AGAP1: variants seen among roughly 807,000 people sequenced by gnomAD.
AGAP1 encodes the protein ArfGAP with GTPase domain, ankyrin repeat and PH domain 1, also known as arf-GAP with GTPase, ANK repeat and PH domain-containing protein 1.
Under a neutral mutation model 105.3 loss-of-function variants are expected in AGAP1, and 29 were observed. That is an observed-to-expected ratio of 0.28 (90% confidence interval 0.21 to 0.38). The LOEUF (loss-of-function observed/expected upper bound fraction) is 0.38, where lower values mean the gene tolerates loss of function less well. Ranked by LOEUF, AGAP1 falls within the 10% of genes least tolerant of loss-of-function variation. The pLI is 1.00. For missense variants in AGAP1, 998 were observed against 1,165.1 expected, an observed-to-expected ratio of 0.86 and a Z score of 2.09; for synonymous variants, 509 against 485.9, an observed-to-expected ratio of 1.05 and a Z score of -0.63.
intron 11 of AGAP1, among the ~76,000 whole-genome samples, chr2:235,918,231 C>CT (rs1266612030): frequency 6.6e-6 from 1 of 152,214 alleles, no homozygotes; most frequent in Non-Finnish European, 1.5e-5. Flanking sequence ...GCTAAGTACC[C>CT]TTCTAGCACC....
rs148022691 is a variant in AGAP1, at chr2:235,535,248, C to T, written c.163+40399C>T. ...GATGGAGCAGGTTTCACAGTGCCCT[C>T]GCTGCTGCCTCCCGTTTCATCTGCA... On this transcript the variant is annotated intron_variant, in intron 1 of 17. Transcript: ENST00000304032. The surrounding 1 kb of genome is among the most constrained non-coding windows in gnomAD (Gnocchi z 5.1). 2.7e-3 allele frequency among the ~76,000 whole-genome samples: 408 copies of T among 152,246 alleles called. 1 individual carries two copies. Among genetic ancestry groups the T allele is most frequent in the Admixed American group, 4.9e-3 (75 of 15,294 alleles).
chr2:235,940,649 G>C (rs910740683), intron 12 of AGAP1, among the ~76,000 whole-genome samples: 1 of 152,204 alleles, frequency 6.6e-6, no homozygotes, highest in African/African-American at 2.4e-5. Flanking sequence ...ATTGTGGCCT[G>C]ACTTACTCTG....
In AGAP1 at chr2:236,125,358, TTG is replaced by T; in HGVS notation, c.*1238_*1239del. 1 of 152,746 alleles carries T rather than the reference TTG, an allele frequency of 6.5e-6. No individual in the cohort carries two copies. Among genetic ancestry groups the T allele is most frequent in the African/African-American group, 2.4e-5 (1 of 41,576 alleles). 9.5% of individuals were successfully genotyped at this position (152,746 alleles called of 1,614,324 possible). A position where few individuals can be genotyped will look rare whatever the true frequency, so the allele number is the denominator to read the frequency against. On this transcript the variant is annotated 3_prime_UTR_variant, in exon 18 of 18. Transcript: ENST00000304032. This position sits in a 1 kb window ranked among gnomAD's most constrained non-coding sequence, Gnocchi z 5.2. ...GTTGAGATAAGAGGGTTACAGATCATTGTACATGGAAAATATTCCCAGCAGTA... is the reference window on the plus strand; with the variant it reads ...GTTGAGATAAGAGGGTTACAGATCATTACATGGAAAATATTCCCAGCAGTA...
rs559503318 is a variant in AGAP1, at chr2:235,788,546, A to G, written c.674-9213A>G. ...GAGGATTGGGAGGCAAGGTGGGGCG[A>G]GGAGAAGAGCGGGAGGGTAGGTGAG... On this transcript the variant is annotated intron_variant, in intron 6 of 17. Coordinates refer to ENST00000304032, the MANE Select transcript of AGAP1 (RefSeq NM_001037131.3). The surrounding 1 kb of genome is among the most constrained non-coding windows in gnomAD (Gnocchi z 6.0). Among the ~76,000 whole-genome samples, 44 of 150,650 alleles carry G rather than the reference A, an allele frequency of 2.9e-4. No individual in the cohort carries two copies. The highest frequency in any genetic ancestry group is 1.5e-3 in the Admixed American group (22 of 15,140).
At chr2:235,564,520 T>A (rs1244712553) in intron 1 of AGAP1, among the ~76,000 whole-genome samples, 3 of 152,216 alleles carry the variant, frequency 2.0e-5, no homozygotes, top group Non-Finnish European at 4.4e-5. Context: ...TCTTCCACTT[T>A]TCATCCAGTT....
rs1483106812 is a variant in AGAP1 at position 235,901,998 on chromosome 2, A to C, written c.1156-6740A>C. Among the ~76,000 whole-genome samples, 1 of 152,270 alleles carries C rather than the reference A, an allele frequency of 6.6e-6. No homozygotes were observed. The highest frequency in any genetic ancestry group is 1.5e-5 in the Non-Finnish European group (1 of 68,046). On this transcript the variant is annotated intron_variant, in intron 10 of 17. Transcript: ENST00000304032. This position sits in a 1 kb window ranked among gnomAD's most constrained non-coding sequence, Gnocchi z 4.3. ...AGAAAATATGTAATCCATTTAAAAT[A>C]ACAATAAACCACCCATTACATGTTA... is the stretch of plus-strand genomic sequence containing the variant.
Position 235,725,519 on chromosome 2 carries a change from AAAC to A in AGAP1, c.310+7877_310+7879del, listed in dbSNP as rs780618033. On this transcript the variant is annotated intron_variant, in intron 3 of 17. Coordinates refer to ENST00000304032, the MANE Select transcript of AGAP1 (RefSeq NM_001037131.3). The surrounding 1 kb of genome is among the most constrained non-coding windows in gnomAD (Gnocchi z 5.7). Reference sequence around the variant, plus strand: ...TAATGTTCCAGTGGAAAAAAAAAAAAAACACCTGTAATACTCCAGTAACATTTG... The same window carrying A: ...TAATGTTCCAGTGGAAAAAAAAAAAAACCTGTAATACTCCAGTAACATTTG... Among the ~76,000 whole-genome samples the A allele has an allele frequency of 1.6e-4, 24 of 152,286 alleles. 1 individual carries two copies. The East Asian group carries it at 4.6e-3, about 29-fold the overall frequency.
rs146948469 is a variant in AGAP1, at chr2:235,625,083, A to T, written c.164-84096A>T. ...ATTACCCAGCCTCAGATATTCCTTT[A>T]GAGTAATGCAAGAATGGACTAACAC... is the stretch of plus-strand genomic sequence containing the variant. On this transcript the variant is annotated intron_variant, in intron 1 of 17. Transcript: ENST00000304032. The surrounding 1 kb of genome is among the most constrained non-coding windows in gnomAD (Gnocchi z 4.0). Among the ~76,000 whole-genome samples, 41 of 152,312 alleles carry T rather than the reference A, an allele frequency of 2.7e-4. 1 individual carries two copies. In the East Asian group the frequency reaches 7.9e-3, roughly 29 times the overall value.
chr2:235,937,661 C>T (rs755273052), intron 12 of AGAP1, among the ~76,000 whole-genome samples: 11 of 152,214 alleles, frequency 7.2e-5, no homozygotes, highest in Non-Finnish European at 1.3e-4. Flanking sequence ...CTCTGGCCCT[C>T]GGCGTGTCTT....
Position 235,549,240 on chromosome 2 carries a change from G to A in AGAP1, c.163+54391G>A, listed in dbSNP as rs1386326344. ...TAAGGAATACAAACTAGAAGGGCCT[G>A]GTTTCTGTAGGTGACAAAGCTGGGG... is the stretch of plus-strand genomic sequence containing the variant. On this transcript the variant is annotated intron_variant, in intron 1 of 17. Coordinates refer to ENST00000304032, the MANE Select transcript of AGAP1 (RefSeq NM_001037131.3). This position sits in a 1 kb window ranked among gnomAD's most constrained non-coding sequence, Gnocchi z 4.2. Among the ~76,000 whole-genome samples, 5 of 152,338 alleles carry A rather than the reference G, an allele frequency of 3.3e-5. No individual in the cohort carries two copies. The highest frequency in any genetic ancestry group is 1.2e-4 in the African/African-American group (5 of 41,576).
chr2:235,562,290 A>T (rs894445544), intron 1 of AGAP1, among the ~76,000 whole-genome samples: 1 of 152,112 alleles, frequency 6.6e-6, no homozygotes, highest in African/African-American at 2.4e-5. Context: ...AAGTGATTAT[A>T]GCACGTGATT....
chr2:235,806,539 C>T (rs1175825477), intron 8 of AGAP1, among the ~76,000 whole-genome samples: 1 of 152,146 alleles, frequency 6.6e-6, no homozygotes, highest in Admixed American at 6.5e-5. Flanking sequence ...AGCCACTCGT[C>T]GTCCGCAGCA....
intron 17 of AGAP1, among the ~76,000 whole-genome samples, chr2:236,122,680 A>ATTTT (rs71039713): frequency 0.012 from 1,474 of 123,578 alleles, 82 homozygotes; most frequent in African/African-American, 0.04. Context: ...TCCAGTGACA[A>ATTTT]TTTTTTTTTT....
intron 16 of AGAP1, among the ~76,000 whole-genome samples, chr2:236,118,616 T>G (rs1227595791): frequency 6.6e-6 from 1 of 152,076 alleles, no homozygotes; most frequent in African/African-American, 2.4e-5. Context: ...CTCGAACTCC[T>G]GACCTCAGGT....
intron 10 of AGAP1, among the ~76,000 whole-genome samples, chr2:235,907,732 TA>T (rs1257044471): frequency 1.3e-5 from 2 of 152,200 alleles, no homozygotes; most frequent in African/African-American, 2.4e-5. Flanking sequence ...GCATAGTATT[TA>T]TATATAACCT....
At chr2:235,861,608 C>A (rs533640084) in intron 9 of AGAP1, among the ~76,000 whole-genome samples, 3 of 152,234 alleles carry the variant, frequency 2.0e-5, no homozygotes, top group Admixed American at 6.5e-5. Flanking sequence ...GCAGGGCAGC[C>A]TCTGCCTGTG....
At chr2:235,937,811 T>G (rs1341619639) in intron 12 of AGAP1, among the ~76,000 whole-genome samples, 1 of 152,192 alleles carries the variant, frequency 6.6e-6, no homozygotes, top group Non-Finnish European at 1.5e-5. Flanking sequence ...AGGGTGCTGC[T>G]GAGTGTGCCA....
At chr2:235,823,695 A>T (rs938458506) in intron 9 of AGAP1, among the ~76,000 whole-genome samples, 2 of 152,192 alleles carry the variant, frequency 1.3e-5, no homozygotes, top group Admixed American at 6.5e-5. Context: ...TGACCCAGAT[A>T]TTTTTATTGT....
In AGAP1 at chr2:235,930,454, T is replaced by C. The variant is rs1236843594; in HGVS notation, c.1325-311T>C. The stretch of plus-strand genomic sequence containing the variant: ...CTCTGCTAAGACTCGCTGGGTCTTT[T>C]GTCTTCACTTCCACTCGATGTTGCG... On this transcript the variant is annotated intron_variant, in intron 11 of 17. Transcript: ENST00000304032. This position sits in a 1 kb window ranked among gnomAD's most constrained non-coding sequence, Gnocchi z 7.9. Among the ~76,000 whole-genome samples, 10 of 152,346 alleles carry C rather than the reference T, an allele frequency of 6.6e-5. No individual in the cohort carries two copies. The highest frequency in any genetic ancestry group is 1.3e-4 in the Non-Finnish European group (9 of 68,038).
Sources: allele counts gnomAD v4.1 joint callset (sites outside exome capture counted in the v4.1 genomes callset), GRCh38; gene constraint gnomAD v4.1.1; non-coding constraint Gnocchi (gnomAD v3.1); transcripts MANE v1.5; gene names NCBI Gene and HGNC (gene_info 2026-07-23, HGNC 2026-07-21).